Variants in NDE1 observed in about 807,000 individuals in gnomAD.
NDE1 encodes the protein nudE neurodevelopment protein 1, also known as nuclear distribution protein nudE homolog 1.
In NDE1, 28 loss-of-function variants were observed where a neutral mutation model predicts 43.4. The observed-to-expected ratio is 0.65, with a 90% CI of 0.48 to 0.89. The LOEUF is 0.89. Ranked by LOEUF, NDE1 falls within the 40% of genes least tolerant of loss-of-function variation. The probability of loss-of-function intolerance (pLI) is 0.00; values close to 1 mark genes in which losing one functional copy is unlikely to be tolerated. For synonymous variants in NDE1, 184 were observed against 172.0 expected, an observed-to-expected ratio of 1.07 and a Z score of -0.55; for missense variants, 441 against 434.1, an observed-to-expected ratio of 1.02 and a Z score of -0.14.
upstream of NDE1, chr16:15,650,224 G>T: frequency 9.2e-6 from 2 of 217,138 alleles, no homozygotes; most frequent in South Asian, 5.7e-5. Context: ...GGTCCGGAGG[G>T]CCGGGGCCGC....
At chr16:15,711,611 C>T (rs1596684521) in intron 8 of NDE1, among the ~76,000 whole-genome samples, 1 of 152,244 alleles carries the variant, frequency 6.6e-6, no homozygotes, top group African/African-American at 2.4e-5. Flanking sequence ...CAGCACATGG[C>T]TGTGGTGGTA....
chr16:15,709,879 G>A (rs1045390360), intron 8 of NDE1, among the ~76,000 whole-genome samples: 15 of 152,242 alleles, frequency 9.9e-5, no homozygotes, highest in Admixed American at 2.0e-4. Context: ...AGCTCTTGCC[G>A]GAGGTAACTG....
intron 1 of NDE1, among the ~76,000 whole-genome samples, chr16:15,653,390 T>C (rs373981469): frequency 5.9e-5 from 9 of 152,322 alleles, no homozygotes; most frequent in African/African-American, 2.2e-4. Flanking sequence ...GCCCCAGTGA[T>C]GTCACTCCTG....
chr16:15,706,979 A>T (rs1474182729), intron 8 of NDE1, among the ~76,000 whole-genome samples: 1 of 152,096 alleles, frequency 6.6e-6, no homozygotes, highest in Non-Finnish European at 1.5e-5. Context: ...CACCAACTAT[A>T]CCTGTTACAG....
chr16:15,665,899 G>A (rs2037279745), intron 2 of NDE1, among the ~76,000 whole-genome samples: 3 of 151,938 alleles, frequency 2.0e-5, no homozygotes, highest in Admixed American at 2.0e-4. Context: ...TAGGATTACA[G>A]GCATGCACCA....
chr16:15,715,127 G>C (rs1474448673), intron 8 of NDE1: 1 of 1,612,388 alleles, frequency 6.2e-7, no homozygotes, highest in East Asian at 2.2e-5. Flanking sequence ...CCGGCTGGGG[G>C]CTGGGGGCTC....
At position 15,664,724 on chromosome 16, in the gene NDE1, C is replaced by G; in HGVS notation, c.-43-12C>G. The G allele has an allele frequency of 1.5e-6, 2 of 1,340,716 alleles. No individual in the cohort carries two copies. The highest frequency in any genetic ancestry group is 1.2e-5 in the South Asian group (1 of 85,482). The allele number at this position is 1,340,716 out of a possible 1,614,324, so 83.1% of individuals were successfully genotyped here. ...CAGATGTGGGTAATCATTTTGAAAC[C>G]TTCTCTCCTAGACACCATGCCACAA... is the stretch of plus-strand genomic sequence containing the variant. On this transcript the variant is annotated splice_polypyrimidine_tract_variant and intron_variant, in intron 1 of 8. Transcript: ENST00000396354.
chr16:15,658,358 A>C (rs1321736874), intron 1 of NDE1, among the ~76,000 whole-genome samples: 1 of 152,238 alleles, frequency 6.6e-6, no homozygotes, highest in Non-Finnish European at 1.5e-5. Context: ...CGTGACTGTC[A>C]CTGGCTGAGC....
chr16:15,646,525 G>A (rs1390358358), upstream of NDE1, among the ~76,000 whole-genome samples: 1 of 151,746 alleles, frequency 6.6e-6, no homozygotes, highest in Non-Finnish European at 1.5e-5. Flanking sequence ...AGGTTGCGGT[G>A]AGCCGAGATC....
At position 15,725,790 on chromosome 16, in the gene NDE1, C is replaced by T; in HGVS notation, c.*1539C>T. The T allele has an allele frequency of 2.5e-6, 1 of 398,456 alleles. No individual in the cohort carries two copies. The highest frequency in any genetic ancestry group is 4.4e-6 in the Non-Finnish European group (1 of 226,016). 24.7% of individuals were successfully genotyped at this position (398,456 alleles called of 1,614,324 possible). ...TGGCAAGGCAGGGTAAATGGCTATG[C>T]CAAGTGAAAGAAGACCAAAGACAAA... On this transcript the variant is annotated 3_prime_UTR_variant, in exon 9 of 9. Coordinates refer to ENST00000396354, the MANE Select transcript of NDE1 (RefSeq NM_017668.3).
chr16:15,718,494 C>A (rs573046773), intron 8 of NDE1: 3 of 1,534,532 alleles, frequency 2.0e-6, no homozygotes, highest in East Asian at 2.4e-5. Flanking sequence ...TTAAAAGATG[C>A]CCCCTCCTTG....
intron 7 of NDE1, chr16:15,694,638 G>A: frequency 1.0e-6 from 1 of 985,284 alleles, no homozygotes; most frequent in Non-Finnish European, 1.2e-6. Context: ...ATGAGCCAAT[G>A]CGTCCAGCCC....
chr16:15,708,443 C>G (rs2039586626), intron 8 of NDE1, among the ~76,000 whole-genome samples: 1 of 152,222 alleles, frequency 6.6e-6, no homozygotes. Flanking sequence ...GACAGCACTG[C>G]TGAGTGCCCT....
At chr16:15,646,495 C>G (rs1024948024), upstream of NDE1, among the ~76,000 whole-genome samples, 1 of 152,012 alleles carries the variant, frequency 6.6e-6, no homozygotes, top group Non-Finnish European at 1.5e-5. Flanking sequence ...GCAGGAGAAT[C>G]GCTTGAACCC....
chr16:15,686,330 G>C, intron 4 of NDE1: 1 of 964,594 alleles, frequency 1.0e-6, no homozygotes, highest in Non-Finnish European at 1.2e-6. Flanking sequence ...TTGCATGAGA[G>C]AAAACTGAGG....
intron 5 of NDE1, among the ~76,000 whole-genome samples, chr16:15,688,625 T>A (rs1260227950): frequency 8.2e-6 from 1 of 122,296 alleles, no homozygotes; most frequent in Non-Finnish European, 1.6e-5. Flanking sequence ...AGAGTGAGAC[T>A]CTTGTCTCAA....
Position 15,725,129 on chromosome 16 carries a change from T to C in NDE1, c.*878T>C. The stretch of plus-strand genomic sequence containing the variant: ...AGAAAATACCCGTGAGGTATGGGAC[T>C]CTGATAAAAAAAAAAAAAAACACAC... On this transcript the variant is annotated 3_prime_UTR_variant, in exon 9 of 9. Transcript: ENST00000396354. 3.1e-6 allele frequency: 2 copies of C among 646,130 alleles called. No individual in the cohort carries two copies. Among genetic ancestry groups the C allele is most frequent in the Non-Finnish European group, 5.3e-6 (2 of 376,966 alleles). 40.0% of individuals were successfully genotyped at this position (646,130 alleles called of 1,614,324 possible).
chr16:15,719,455 G>A lies in NDE1; in HGVS notation c.948-4736G>A, dbSNP rs572520456. On this transcript the variant is annotated intron_variant, in intron 8 of 8. Transcript: ENST00000396354. ...CCGTGAATACATAGAGGAGGGAAGC[G>A]TGTGTCTTTCTAGACAGGTGGACCC... 124 of 1,499,854 alleles carry A rather than the reference G, an allele frequency of 8.3e-5. 1 individual carries two copies. In the Middle Eastern group the frequency reaches 8.5e-4, roughly 10 times the overall value. The allele number at this position is 1,499,854 out of a possible 1,614,324, so 92.9% of individuals were successfully genotyped here.
chr16:15,664,045 G>A (rs755285839), intron 1 of NDE1, among the ~76,000 whole-genome samples: 1 of 152,008 alleles, frequency 6.6e-6, no homozygotes, highest in Non-Finnish European at 1.5e-5. Context: ...CTCCAGCCTG[G>A]GTGATAGAGC....
Sources: gnomAD v4.1 joint callset for allele counts (sites outside exome capture counted in the v4.1 genomes callset) on GRCh38, gnomAD v4.1.1 for gene constraint, MANE v1.5 for transcripts, NCBI Gene and HGNC (gene_info 2026-07-23, HGNC 2026-07-21) for gene names.